ATP2C2: variants seen among roughly 807,000 people sequenced by gnomAD.
ATP2C2 encodes the protein calcium-transporting ATPase type 2C member 2.
A neutral mutation model predicts 110.8 loss-of-function variants in ATP2C2; 171 were observed. That is an observed-to-expected ratio of 1.54 (90% CI 1.36 to 1.75). ATP2C2 has a LOEUF of 1.75. Ranked by LOEUF, ATP2C2 falls within the 40% of genes most tolerant of loss-of-function variation. The pLI is 0.00. For missense variants in ATP2C2, 1,963 were observed against 1,235.0 expected, an observed-to-expected ratio of 1.59 and a Z score of -8.84; for synonymous variants, 804 against 508.4, an observed-to-expected ratio of 1.58 and a Z score of -7.82.
intron 7 of ATP2C2, among the ~76,000 whole-genome samples, chr16:84,419,195 G>A (rs1195520543): frequency 3.3e-5 from 4 of 119,644 alleles, no homozygotes; most frequent in African/African-American, 1.3e-4. Flanking sequence ...GTGACAGAGT[G>A]AGACCCCATC....
At chr16:84,448,014 C>T (rs1399298070) in intron 16 of ATP2C2, among the ~76,000 whole-genome samples, 2 of 151,916 alleles carry the variant, frequency 1.3e-5, no homozygotes, top group Non-Finnish European at 2.9e-5. Context: ...CCCAGGGCCT[C>T]CCCCCGTGGA....
At chr16:84,460,456 A>G (rs1260841284) in intron 23 of ATP2C2, 198 bp from the exon 24 acceptor site, 2 of 716,670 alleles carry the variant, frequency 2.8e-6, no homozygotes, top group Non-Finnish European at 4.8e-6. Flanking sequence ...ATGGAGGGGC[A>G]CAGCTGCCCA....
intron 11 of ATP2C2, among the ~76,000 whole-genome samples, chr16:84,435,791 C>T (rs1293315135): frequency 6.6e-6 from 1 of 151,876 alleles, no homozygotes; most frequent in Non-Finnish European, 1.5e-5. Context: ...GGTGACACTG[C>T]ACTCCAGCCT....
In ATP2C2 at chr16:84,453,148, C is replaced by T. The variant is rs777776834; in HGVS notation, c.1842C>T (p.Ile614=). The T allele has an allele frequency of 1.7e-5, 27 of 1,611,476 alleles. 1 individual carries two copies. The highest frequency in any genetic ancestry group is 1.6e-4 in the East Asian group (7 of 44,814). ...LETALAIGRN[I]GLCNGKLQAM... ...CAGGTTCTTCTGAAGGAAGAAACAT[C>T]GGCCTGTGCAACGGGAAGCTGCAAG... is the stretch of plus-strand genomic sequence containing the variant. Residue 614 remains isoleucine, a synonymous_variant, in exon 19 of 27, where the codon ATC becomes ATT. Transcript: ENST00000262429.
chr16:84,374,014 T>C (rs1910112978), intron 1 of ATP2C2, among the ~76,000 whole-genome samples: 1 of 152,236 alleles, frequency 6.6e-6, no homozygotes, highest in Non-Finnish European at 1.5e-5. Context: ...TTTAAGGCTG[T>C]CATCTGATAA....
rs927957342 is a variant in ATP2C2, at chr16:84,455,084, C to T, written c.2147+100C>T. 76 of 1,460,906 alleles carry T rather than the reference C, an allele frequency of 5.2e-5. 1 individual carries two copies. The East Asian group carries it at 8.9e-4, about 17-fold the overall frequency. 90.5% of individuals were successfully genotyped at this position (1,460,906 alleles called of 1,614,324 possible). ...TGTGGAGATAGAGGGGGGGGTCTCG[C>T]GGAGTCCCCAGGGAGAGCTGAATCT... is the stretch of plus-strand genomic sequence containing the variant. On this transcript the variant is annotated intron_variant, in intron 21 of 26. Transcript: ENST00000262429.
chr16:84,394,040 G>A (rs1162108810), intron 1 of ATP2C2, among the ~76,000 whole-genome samples: 1 of 150,814 alleles, frequency 6.6e-6, no homozygotes, highest in Non-Finnish European at 1.5e-5. Context: ...AAGGCCTGGT[G>A]TGATGACACA....
In ATP2C2 at chr16:84,422,458, C is replaced by T; in HGVS notation, c.693C>T (p.Ser231=). ...CCGAGCCATGTAGTAAAACAGACAG[C>T]CCCTTGACAGGCGGTGGGGACCTCA... is the stretch of plus-strand genomic sequence containing the variant. ...GEAEPCSKTD[S]PLTGGGDLTT... The change falls in exon 8 of 27, where the codon AGC becomes AGT. Residue 231 remains serine, a synonymous_variant. Coordinates refer to ENST00000262429, the MANE Select transcript of ATP2C2 (RefSeq NM_014861.4). 1 of 1,614,152 alleles carries T rather than the reference C, an allele frequency of 6.2e-7. No homozygotes were observed. The highest frequency in any genetic ancestry group is 8.5e-7 in the Non-Finnish European group (1 of 1,180,038).
At position 84,409,556 on chromosome 16, in the gene ATP2C2, C is replaced by A. The variant is rs529320156; in HGVS notation, c.418-1012C>A. Among the ~76,000 whole-genome samples the A allele has an allele frequency of 3.9e-5, 6 of 152,226 alleles. No homozygotes were observed. In the East Asian group the frequency reaches 1.2e-3, roughly 29 times the overall value. ...ACAGAGTCTTGCTGTGTCGTCCAGGCTGGACAGCAGTGCCGTGATCTCAGC... is the reference window on the plus strand; with the variant it reads ...ACAGAGTCTTGCTGTGTCGTCCAGGATGGACAGCAGTGCCGTGATCTCAGC... On this transcript the variant is annotated intron_variant, in intron 4 of 26. Transcript: ENST00000262429.
chr16:84,398,445 A>C, intron 1 of ATP2C2, 54 bp from the exon 2 acceptor site: 1 of 1,057,524 alleles, frequency 9.5e-7, no homozygotes, highest in Non-Finnish European at 1.3e-6. Context: ...AAATTTAAAA[A>C]TTAATCAGTA....
chr16:84,453,057 C>T (rs1910440552), intron 18 of ATP2C2, 81 bp from the exon 19 acceptor site: 3 of 1,393,762 alleles, frequency 2.2e-6, no homozygotes, highest in Non-Finnish European at 3.0e-6. Context: ...TCTTGGTGTT[C>T]CCCATGGCCG....
chr16:84,459,255 G>A lies in ATP2C2; in HGVS notation c.2217-15G>A. ...CCTGGCGGGCGGCCGCTGACTGGCTGCGTGTGCCCCGCAGGAGCATCTCCG... is the reference window on the plus strand; with the variant it reads ...CCTGGCGGGCGGCCGCTGACTGGCTACGTGTGCCCCGCAGGAGCATCTCCG... On this transcript the variant is annotated splice_polypyrimidine_tract_variant and intron_variant, in intron 22 of 26. Transcript: ENST00000262429. 3 of 1,614,148 alleles carry A rather than the reference G, an allele frequency of 1.9e-6. No individual in the cohort carries two copies. Among genetic ancestry groups the A allele is most frequent in the South Asian group, 2.2e-5 (2 of 91,082 alleles).
intron 2 of ATP2C2, among the ~76,000 whole-genome samples, chr16:84,399,689 A>G (rs1230728801): frequency 6.6e-6 from 1 of 152,180 alleles, no homozygotes; most frequent in Non-Finnish European, 1.5e-5. Context: ...ACTTTGATAC[A>G]GGCATACGCT....
At chr16:84,431,086 C>T (rs1908238235) in intron 11 of ATP2C2, among the ~76,000 whole-genome samples, 1 of 152,094 alleles carries the variant, frequency 6.6e-6, no homozygotes, top group Non-Finnish European at 1.5e-5. Flanking sequence ...TCTCTGCCCT[C>T]CTGGAGTTTT....
chr16:84,399,143 T>TGTGTGTGCACAC (rs1905168223), intron 2 of ATP2C2, among the ~76,000 whole-genome samples: 1 of 152,152 alleles, frequency 6.6e-6, no homozygotes, highest in South Asian at 2.1e-4. Context: ...CACAAGTGTG[T>TGTGTGTGCACAC]GTGTGTGCAC....
At chr16:84,431,700 T>C (rs1260942174) in intron 11 of ATP2C2, among the ~76,000 whole-genome samples, 3 of 152,072 alleles carry the variant, frequency 2.0e-5, no homozygotes, top group Non-Finnish European at 4.4e-5. Context: ...AATGAGATGA[T>C]GGAGTTGCTT....
intron 23 of ATP2C2, 26 bp downstream of exon 23, chr16:84,459,412 T>C: frequency 2.5e-6 from 4 of 1,610,118 alleles, no homozygotes; most frequent in Non-Finnish European, 3.4e-6. Context: ...CTGGGAGCCC[T>C]GTGTCTCTTT....
intron 11 of ATP2C2, among the ~76,000 whole-genome samples, chr16:84,433,041 G>A (rs1908419688): frequency 6.6e-6 from 1 of 152,160 alleles, no homozygotes; most frequent in South Asian, 2.1e-4. Context: ...CCTCAAGGAG[G>A]CTGCCAGAGA....
Position 84,439,159 on chromosome 16 carries a change from G to A in ATP2C2, c.987-7G>A, listed in dbSNP as rs150034273. 5.1e-3 allele frequency: 8,230 copies of A among 1,612,082 alleles called. 36 individuals are homozygous for A. The highest frequency in any genetic ancestry group is 5.7e-3 in the Non-Finnish European group (6,779 of 1,179,976). On this transcript the variant is annotated splice_region_variant and splice_polypyrimidine_tract_variant and intron_variant, in intron 11 of 26. Transcript: ENST00000262429. ...TTAGAGGGGACTCATTTGACCTTTCGATCCAGCCTGGCTGTGGCGGCCATT... is the reference window on the plus strand; with the variant it reads ...TTAGAGGGGACTCATTTGACCTTTCAATCCAGCCTGGCTGTGGCGGCCATT...
Sources: allele counts gnomAD v4.1 joint callset (sites outside exome capture counted in the v4.1 genomes callset), GRCh38; gene constraint gnomAD v4.1.1; transcripts MANE v1.5; gene names NCBI Gene and HGNC (gene_info 2026-07-23, HGNC 2026-07-21).